The following SMCO2 variants were observed in gnomAD, a reference collection of about 807,000 sequenced individuals.
SMCO2 encodes the protein single-pass membrane and coiled-coil domain-containing protein 2.
SMCO2 carries 25 observed loss-of-function variants against 29.5 expected under a neutral mutation model. The ratio of observed to expected loss-of-function variants is 0.85; its 90% CI spans 0.62 to 1.18. SMCO2 has a LOEUF of 1.18. Among genes scored for constraint, SMCO2 ranks in the 50% most tolerant of loss-of-function variants. The pLI is 0.00. For synonymous variants in SMCO2, 117 were observed against 123.3 expected (o/e 0.95, Z 0.34); for missense variants, 348 against 344.5 (o/e 1.01, Z -0.08).
the SMCO2 span, among the ~76,000 whole-genome samples, chr12:27,449,032 G>C: frequency 6.6e-6 from 1 of 152,194 alleles, no homozygotes; most frequent in Non-Finnish European, 1.5e-5. Flanking sequence ...TCAAAAAGTT[G>C]AGGACTAAGG....
intron 4 of SMCO2, among the ~76,000 whole-genome samples, chr12:27,488,061 T>C (rs144793069): frequency 2.8e-3 from 420 of 152,286 alleles, no homozygotes; most frequent in African/African-American, 9.5e-3. Flanking sequence ...AACAGGGTCT[T>C]TGGCCAAATT....
chr12:27,425,868 G>A, the SMCO2 span, among the ~76,000 whole-genome samples: 12 of 152,164 alleles, frequency 7.9e-5, no homozygotes, highest in Non-Finnish European at 1.5e-4. Flanking sequence ...GCCCCAGGCT[G>A]TCTAGCTGTT....
At chr12:27,486,968 T>A (rs1219569286) in intron 4 of SMCO2, among the ~76,000 whole-genome samples, 1 of 152,226 alleles carries the variant, frequency 6.6e-6, no homozygotes, top group African/African-American at 2.4e-5. Context: ...CAAAAATATA[T>A]ATGCAAGGAA....
At chr12:27,442,419 A>C in the SMCO2 span, among the ~76,000 whole-genome samples, 1 of 152,224 alleles carries the variant, frequency 6.6e-6, no homozygotes, top group Non-Finnish European at 1.5e-5. Flanking sequence ...ACTAGTATGA[A>C]CAACTGTATG....
chr12:27,429,029 T>C, the SMCO2 span, among the ~76,000 whole-genome samples: 1 of 152,116 alleles, frequency 6.6e-6, no homozygotes, highest in Non-Finnish European at 1.5e-5. Context: ...GAATGTTCAG[T>C]TTGATTTAGC....
At chr12:27,489,354 T>C (rs1404966653) in intron 5 of SMCO2, among the ~76,000 whole-genome samples, 4 of 152,166 alleles carry the variant, frequency 2.6e-5, no homozygotes, top group Non-Finnish European at 5.9e-5. Context: ...CAGCCTAATG[T>C]TCCATTTTCT....
chr12:27,438,753 T>C, the SMCO2 span, among the ~76,000 whole-genome samples: 3 of 142,416 alleles, frequency 2.1e-5, no homozygotes, highest in African/African-American at 2.7e-5. Flanking sequence ...AGCTGGCTTC[T>C]CCCCCCACCC....
intron 4 of SMCO2, among the ~76,000 whole-genome samples, chr12:27,483,802 A>G (rs1354027220): frequency 6.6e-6 from 1 of 152,084 alleles, no homozygotes; most frequent in Non-Finnish European, 1.5e-5. Context: ...GCCTTCAAGT[A>G]ATATTTTACC....
At chr12:27,460,283 G>GCAC in the SMCO2 span, among the ~76,000 whole-genome samples, 3 of 152,064 alleles carry the variant, frequency 2.0e-5, no homozygotes, top group Admixed American at 6.6e-5. Context: ...GGGGTTAGGG[G>GCAC]CACCAACCCC....
At chr12:27,472,903 A>G (rs1169652100) in intron 3 of SMCO2, 28 bp downstream of exon 3, 1 of 1,478,072 alleles carries the variant, frequency 6.8e-7, no homozygotes, top group Non-Finnish European at 9.2e-7. Context: ...GGTAAGAGAG[A>G]CACTTAAATG....
chr12:27,495,807 C>T (rs1348682694), exon 7 of SMCO2: 1 of 1,533,772 alleles, frequency 6.5e-7, no homozygotes, highest in Admixed American at 2.0e-5. Context: ...CTTCCTCAGG[C>T]CCCAGCATCC....
At chr12:27,467,566 T>C (rs915817348) in intron 1 of SMCO2, among the ~76,000 whole-genome samples, 6 of 151,906 alleles carry the variant, frequency 3.9e-5, no homozygotes, top group Non-Finnish European at 7.4e-5. Context: ...CACTAAGGAC[T>C]TGCACTATGT....
At chr12:27,464,135 AG>A (rs1486791128), upstream of SMCO2, among the ~76,000 whole-genome samples, 1 of 152,244 alleles carries the variant, frequency 6.6e-6, no homozygotes, top group Non-Finnish European at 1.5e-5. Flanking sequence ...AGGGAGCCTT[AG>A]GAAAGAGAGT....
intron 6 of SMCO2, 119 bp downstream of exon 7, chr12:27,494,475 T>A (rs1592218840): frequency 3.4e-6 from 1 of 298,342 alleles, no homozygotes; most frequent in Non-Finnish European, 6.2e-6. Context: ...CTTTCTTTTT[T>A]ATTTAATTTA....
chr12:27,488,593 C>T (rs930745266), intron 5 of SMCO2, 46 bp downstream of exon 6: 3 of 1,375,420 alleles, frequency 2.2e-6, no homozygotes, highest in Non-Finnish European at 2.9e-6. Flanking sequence ...GGATTTCTGT[C>T]ACTTCTTTCC....
At chr12:27,423,554 C>T in the SMCO2 span, 1 of 152,168 alleles carries the variant, frequency 6.6e-6, no homozygotes, top group African/African-American at 2.4e-5. Flanking sequence ...TGGTCTCGAT[C>T]TCCTGACCTC....
chr12:27,443,467 G>A, the SMCO2 span, among the ~76,000 whole-genome samples: 2 of 152,170 alleles, frequency 1.3e-5, no homozygotes, highest in Non-Finnish European at 2.9e-5. Flanking sequence ...ACACAAGGAT[G>A]TCCACTTTCA....
At chr12:27,471,686 C>T (rs1949542601) in intron 2 of SMCO2, among the ~76,000 whole-genome samples, 1 of 152,140 alleles carries the variant, frequency 6.6e-6, no homozygotes, top group Non-Finnish European at 1.5e-5. Flanking sequence ...GTTTTATACA[C>T]ATAGGCAAAA....
chr12:27,475,593 G>A (rs1251927667), intron 4 of SMCO2: 1 of 1,539,542 alleles, frequency 6.5e-7, no homozygotes, highest in East Asian at 2.5e-5. Flanking sequence ...TGTCTGAAGG[G>A]CATGTTCCTC....
Sources: allele counts gnomAD v4.1 joint callset (sites outside exome capture counted in the v4.1 genomes callset), GRCh38; gene constraint gnomAD v4.1.1; transcripts MANE v1.5; gene names NCBI Gene and HGNC (gene_info 2026-07-23, HGNC 2026-07-21).